Variants in POU6F2 observed in about 807,000 individuals in gnomAD.
POU6F2 encodes the protein POU class 6 homeobox 2, also known as POU domain, class 6, transcription factor 2.
POU6F2 carries 31 observed loss-of-function variants against 71.3 expected under a neutral mutation model. The ratio of observed to expected loss-of-function variants is 0.43; its 90% CI spans 0.33 to 0.59. The LOEUF is 0.59. Ranked by LOEUF, POU6F2 falls within the 20% of genes least tolerant of loss-of-function variation. The pLI, the probability that POU6F2 is intolerant of heterozygous loss-of-function variation, is 0.04. For missense variants in POU6F2, 783 were observed against 856.8 expected (o/e 0.91, Z 1.07); for synonymous variants, 347 against 355.7 (o/e 0.98, Z 0.27).
intron 5 of POU6F2, among the ~76,000 whole-genome samples, chr7:39,349,133 T>C (rs1218298685): frequency 1.3e-5 from 2 of 151,940 alleles, no homozygotes; most frequent in East Asian, 1.9e-4. Context: ...GAAAACCAAG[T>C]ATAGAAAGGT....
chr7:39,434,559 T>C (rs541261288), intron 7 of POU6F2, among the ~76,000 whole-genome samples: 2 of 151,856 alleles, frequency 1.3e-5, no homozygotes, highest in East Asian at 1.9e-4. Flanking sequence ...ATGATGATTG[T>C]GATGGTGATG....
At chr7:39,365,645 G>A (rs1223632330) in intron 5 of POU6F2, among the ~76,000 whole-genome samples, 3 of 151,978 alleles carry the variant, frequency 2.0e-5, no homozygotes, top group South Asian at 2.1e-4. Context: ...TCTGACAAAG[G>A]ACTAATATCC....
rs1792168430 is a variant in POU6F2 at position 39,127,682 on chromosome 7, A to G, written c.277+41651A>G. Among the ~76,000 whole-genome samples, 3 of 152,036 alleles carry G rather than the reference A, an allele frequency of 2.0e-5. No homozygotes were observed. The South Asian group carries it at 6.2e-4, about 32-fold the overall frequency. ...AGGGGACATTTGAGCTGAGCCCTGA[A>G]TGAAGGGAGAGATTGAGTCACGTGG... is the stretch of plus-strand genomic sequence containing the variant. On this transcript the variant is annotated intron_variant, in intron 2 of 9. Coordinates refer to ENST00000518318, the MANE Select transcript of POU6F2 (RefSeq NM_001370959.1).
intron 2 of POU6F2, among the ~76,000 whole-genome samples, chr7:39,149,279 C>T (rs1251380052): frequency 6.6e-6 from 1 of 152,162 alleles, no homozygotes; most frequent in African/African-American, 2.4e-5. Flanking sequence ...TGCAGAGGTT[C>T]AGTCTATATC....
intron 1 of POU6F2, chr7:39,034,535 G>A (rs76227050): frequency 1.3e-4 from 54 of 407,178 alleles, no homozygotes; most frequent in African/African-American, 8.9e-4. Flanking sequence ...ACATAAAGTC[G>A]GGGTCAGATT....
intron 2 of POU6F2, among the ~76,000 whole-genome samples, chr7:39,136,040 G>GT (rs1792382069): frequency 1.3e-5 from 2 of 152,262 alleles, no homozygotes; most frequent in Admixed American, 1.3e-4. Context: ...CAAAGAATGT[G>GT]TGACACCTAT....
chr7:38,978,187 A>G (rs1788228919), intron 1 of POU6F2, 129 bp downstream of exon 1: 1 of 152,188 alleles, frequency 6.6e-6, no homozygotes, highest in Non-Finnish European at 1.5e-5. Flanking sequence ...TAGTGCTGAA[A>G]GTGCGAAAGG....
intron 4 of POU6F2, among the ~76,000 whole-genome samples, chr7:39,227,885 T>C (rs1216598355): frequency 1.3e-5 from 2 of 152,118 alleles, no homozygotes; most frequent in East Asian, 3.9e-4. Context: ...AACTCCCTGG[T>C]TGAGTGTCCT....
chr7:39,056,912 C>CCTT (rs1488159507), intron 1 of POU6F2, among the ~76,000 whole-genome samples: 1 of 152,138 alleles, frequency 6.6e-6, no homozygotes, highest in Non-Finnish European at 1.5e-5. Context: ...GAAAACATAA[C>CCTT]TTGTCTGTAT....
At chr7:39,356,716 G>A (rs1481411094) in intron 5 of POU6F2, among the ~76,000 whole-genome samples, 1 of 152,136 alleles carries the variant, frequency 6.6e-6, no homozygotes, top group Non-Finnish European at 1.5e-5. Flanking sequence ...TCTTGACGAA[G>A]ATAACGATGA....
chr7:39,230,310 C>G (rs1235428269), intron 4 of POU6F2, among the ~76,000 whole-genome samples: 1 of 151,938 alleles, frequency 6.6e-6, no homozygotes. Flanking sequence ...GAGACCCTGT[C>G]TCTACCAAAA....
intron 5 of POU6F2, among the ~76,000 whole-genome samples, chr7:39,365,042 T>A (rs1786469694): frequency 6.6e-6 from 1 of 152,234 alleles, no homozygotes; most frequent in Non-Finnish European, 1.5e-5. Flanking sequence ...TTTTTTCATA[T>A]GTTTGTTGGC....
chr7:39,359,828 A>T (rs1393960442), intron 5 of POU6F2, among the ~76,000 whole-genome samples: 3 of 152,242 alleles, frequency 2.0e-5, no homozygotes, highest in Non-Finnish European at 2.9e-5. Flanking sequence ...GCAAGAGAAA[A>T]TAATTACATG....
intron 2 of POU6F2, among the ~76,000 whole-genome samples, chr7:39,125,492 A>C (rs1010417853): frequency 2.0e-5 from 3 of 152,126 alleles, no homozygotes; most frequent in East Asian, 1.9e-4. Flanking sequence ...TTGAAACTCC[A>C]AGATTGAAGC....
At chr7:39,168,862 C>T (rs1273910016) in intron 2 of POU6F2, among the ~76,000 whole-genome samples, 3 of 152,110 alleles carry the variant, frequency 2.0e-5, no homozygotes, top group Non-Finnish European at 4.4e-5. Context: ...ACACCAGAGC[C>T]GGCAGTGATT....
At chr7:39,194,143 T>A (rs1793726839) in intron 2 of POU6F2, among the ~76,000 whole-genome samples, 1 of 152,324 alleles carries the variant, frequency 6.6e-6, no homozygotes, top group Admixed American at 6.5e-5. Flanking sequence ...CATGCTGTGA[T>A]TCCTCAAATC....
intron 4 of POU6F2, among the ~76,000 whole-genome samples, chr7:39,318,433 C>T (rs1167999220): frequency 6.6e-6 from 1 of 152,166 alleles, no homozygotes; most frequent in Non-Finnish European, 1.5e-5. Flanking sequence ...CTGCAGTGCA[C>T]AGTCAATAAA....
intron 4 of POU6F2, among the ~76,000 whole-genome samples, chr7:39,309,903 G>C (rs1785128159): frequency 6.6e-6 from 1 of 152,230 alleles, no homozygotes; most frequent in African/African-American, 2.4e-5. Flanking sequence ...TTGTAGTTTT[G>C]AATGCACAGG....
intron 4 of POU6F2, among the ~76,000 whole-genome samples, chr7:39,328,508 G>A (rs972880603): frequency 6.6e-6 from 1 of 152,192 alleles, no homozygotes; most frequent in African/African-American, 2.4e-5. Flanking sequence ...ATAGGGTCTA[G>A]ATCTCAGCCT....
Sources: allele counts gnomAD v4.1 joint callset (sites outside exome capture counted in the v4.1 genomes callset), GRCh38; gene constraint gnomAD v4.1.1; transcripts MANE v1.5; gene names NCBI Gene and HGNC (gene_info 2026-07-23, HGNC 2026-07-21).